The following COL24A1 variants were observed in gnomAD, a reference collection of about 807,000 sequenced individuals.
COL24A1 encodes the protein collagen alpha-1(XXIV) chain.
A neutral mutation model predicts 253.9 loss-of-function variants in COL24A1; 224 were observed. The observed-to-expected ratio is 0.88, with a 90% CI of 0.79 to 0.99. The LOEUF is 0.99. Ranked by LOEUF, COL24A1 falls within the 50% of genes least tolerant of loss-of-function variation. The pLI is 0.00. For synonymous variants in COL24A1, 685 were observed against 673.7 expected (o/e 1.02, Z -0.26); for missense variants, 2,131 against 2,068.5 (o/e 1.03, Z -0.59).
intron 43 of COL24A1, among the ~76,000 whole-genome samples, chr1:85,827,568 G>A (rs1674550293): frequency 6.6e-6 from 1 of 151,838 alleles, no homozygotes; most frequent in Non-Finnish European, 1.5e-5. Context: ...GACTCTTTTT[G>A]GTTGGTAAGC....
chr1:86,005,817 GA>G (rs1432521486), intron 19 of COL24A1, among the ~76,000 whole-genome samples: 2 of 151,902 alleles, frequency 1.3e-5, no homozygotes, highest in South Asian at 2.1e-4. Flanking sequence ...CAGAAAAGCA[GA>G]AAAAAATGAA....
chr1:85,937,085 C>T (rs941719299), intron 24 of COL24A1, among the ~76,000 whole-genome samples: 1 of 147,478 alleles, frequency 6.8e-6, no homozygotes, highest in East Asian at 2.1e-4. Context: ...TTAGCTGACA[C>T]CTTTGCTCTC....
chr1:86,047,238 CCTCT>C (rs1378306625), intron 11 of COL24A1, among the ~76,000 whole-genome samples: 1 of 152,170 alleles, frequency 6.6e-6, no homozygotes, highest in Non-Finnish European at 1.5e-5. Flanking sequence ...TCTGCCTTCC[CCTCT>C]CTATCTGGAT....
At chr1:86,155,981 A>C in intron 1 of COL24A1, 2 of 210,566 alleles carry the variant, frequency 9.5e-6, no homozygotes, top group Non-Finnish European at 9.4e-6. Context: ...CGGGAGGAGA[A>C]GGGGAGGAGG....
At chr1:86,083,667 T>G (rs1702843363) in intron 7 of COL24A1, among the ~76,000 whole-genome samples, 1 of 152,116 alleles carries the variant, frequency 6.6e-6, no homozygotes, top group African/African-American at 2.4e-5. Flanking sequence ...TTAGCTAACC[T>G]GAAATAAAAT....
At chr1:85,774,807 C>T (rs550086201) in intron 53 of COL24A1, among the ~76,000 whole-genome samples, 9 of 152,134 alleles carry the variant, frequency 5.9e-5, no homozygotes, top group African/African-American at 1.7e-4. Context: ...TTTTGTTGAT[C>T]GCTTCAAAAT....
chr1:86,023,107 T>C (rs1265406956), intron 14 of COL24A1, 100 bp from the exon 15 acceptor site: 2 of 1,003,698 alleles, frequency 2.0e-6, no homozygotes, highest in Non-Finnish European at 1.5e-6. Flanking sequence ...AACAGCCAAC[T>C]CACTAAGCTC....
intron 32 of COL24A1, among the ~76,000 whole-genome samples, chr1:85,886,040 A>C (rs914053998): frequency 3.3e-5 from 5 of 151,816 alleles, no homozygotes; most frequent in African/African-American, 1.2e-4. Context: ...TTCAGCTAGA[A>C]GCCAAATTGT....
intron 19 of COL24A1, among the ~76,000 whole-genome samples, chr1:85,991,487 T>C (rs1004258047): frequency 6.6e-6 from 1 of 152,234 alleles, no homozygotes; most frequent in Non-Finnish European, 1.5e-5. Flanking sequence ...TAATGGCTTC[T>C]GGTGGTAACT....
chr1:85,827,877 T>C (rs1199602262), intron 43 of COL24A1, among the ~76,000 whole-genome samples: 1 of 152,146 alleles, frequency 6.6e-6, no homozygotes, highest in East Asian at 1.9e-4. Flanking sequence ...AACCAGCTCC[T>C]GGATTCATTC....
At chr1:85,863,544 G>A (rs186477604) in intron 37 of COL24A1, among the ~76,000 whole-genome samples, 1,564 of 152,270 alleles carry the variant, frequency 0.01, 29 homozygotes, top group African/African-American at 0.036. Flanking sequence ...AGCCAAAATT[G>A]ACAAATGGGA....
At chr1:86,024,502 G>C (rs1057159211) in intron 14 of COL24A1, among the ~76,000 whole-genome samples, 2 of 152,002 alleles carry the variant, frequency 1.3e-5, no homozygotes, top group African/African-American at 4.8e-5. Flanking sequence ...TTTCAGAATG[G>C]AAAATAAGAC....
intron 31 of COL24A1, among the ~76,000 whole-genome samples, 174 bp downstream of exon 31, chr1:85,895,684 C>A (rs1571122898): frequency 6.6e-6 from 1 of 152,044 alleles, no homozygotes; most frequent in African/African-American, 2.4e-5. Context: ...GAGAATAAAG[C>A]AGATAAAGGT....
intron 1 of COL24A1, chr1:86,155,777 G>C (rs1238267098): frequency 6.5e-6 from 1 of 152,680 alleles, no homozygotes; most frequent in Non-Finnish European, 1.5e-5. Context: ...CTCTGAGCCC[G>C]TGGGTAAAAC....
chr1:85,766,381 AAAAAAAAAAG>A (rs1453678647), intron 53 of COL24A1, among the ~76,000 whole-genome samples: 2 of 144,382 alleles, frequency 1.4e-5, no homozygotes, highest in African/African-American at 2.5e-5. Flanking sequence ...AAAAAAAAAA[AAAAAAAAAAG>A]AAAGAAAGAA....
chr1:86,032,946 T>G (rs927097485), intron 13 of COL24A1, among the ~76,000 whole-genome samples: 3 of 152,108 alleles, frequency 2.0e-5, no homozygotes, highest in Non-Finnish European at 4.4e-5. Flanking sequence ...ATAAATAATG[T>G]CTACTTTATT....
At chr1:85,907,485 G>C (rs974075695) in intron 27 of COL24A1, among the ~76,000 whole-genome samples, 1 of 151,832 alleles carries the variant, frequency 6.6e-6, no homozygotes, top group Non-Finnish European at 1.5e-5. Flanking sequence ...AAATGGAGAA[G>C]CTTTTAATAT....
At chr1:85,860,115 C>T (rs1031260546) in intron 37 of COL24A1, among the ~76,000 whole-genome samples, 16 of 152,120 alleles carry the variant, frequency 1.1e-4, no homozygotes, top group Non-Finnish European at 2.2e-4. Flanking sequence ...AGTATCACAT[C>T]ATATCTATTT....
chr1:85,960,599 A>G (rs1290731620), intron 24 of COL24A1, among the ~76,000 whole-genome samples: 1 of 152,072 alleles, frequency 6.6e-6, no homozygotes, highest in African/African-American at 2.4e-5. Flanking sequence ...ATAATGAAAA[A>G]TGGCTGAGTG....
Sources: allele counts gnomAD v4.1 joint callset (sites outside exome capture counted in the v4.1 genomes callset), GRCh38; gene constraint gnomAD v4.1.1; transcripts MANE v1.5; gene names NCBI Gene and HGNC (gene_info 2026-07-23, HGNC 2026-07-21).